The following SHISA9 variants were observed in gnomAD, a reference collection of about 807,000 sequenced individuals.
The protein encoded by SHISA9 is protein shisa-9.
In SHISA9, 13 loss-of-function variants were observed where a neutral mutation model predicts 38.0. The observed-to-expected ratio is 0.34, with a 90% confidence interval of 0.22 to 0.54. The LOEUF (loss-of-function observed/expected upper bound fraction) is 0.54. Ranked by LOEUF, SHISA9 falls within the 20% of genes least tolerant of loss-of-function variation. SHISA9 has a pLI of 0.91. For synonymous variants in SHISA9, 275 were observed against 242.0 expected, an observed-to-expected ratio of 1.14 and a Z score of -1.27; for missense variants, 538 against 575.8, an observed-to-expected ratio of 0.93 and a Z score of 0.67.
chr16:13,412,054 C>A, the SHISA9 span, among the ~76,000 whole-genome samples: 1 of 152,126 alleles, frequency 6.6e-6, no homozygotes, highest in Non-Finnish European at 1.5e-5. Flanking sequence ...AAATTCTTTA[C>A]CTTTCTGAGT....
chr16:13,105,064 A>T (rs373951998), intron 2 of SHISA9, among the ~76,000 whole-genome samples: 10 of 152,310 alleles, frequency 6.6e-5, no homozygotes, highest in African/African-American at 2.4e-4. Flanking sequence ...AGAAGTGTTT[A>T]ACGTCAAGGA....
the SHISA9 span, among the ~76,000 whole-genome samples, chr16:13,470,607 C>T: frequency 1.5e-4 from 23 of 152,108 alleles, no homozygotes; most frequent in South Asian, 1.2e-3. Flanking sequence ...AAACTGCTGC[C>T]GTGATTCAAT....
intron 2 of SHISA9, among the ~76,000 whole-genome samples, chr16:12,997,114 C>T (rs912116744): frequency 2.0e-5 from 3 of 152,094 alleles, no homozygotes; most frequent in Non-Finnish European, 4.4e-5. Flanking sequence ...CCCCCAAATT[C>T]CCTCATGCTT....
chr16:13,243,277 G>A (rs951419470), downstream of SHISA9, among the ~76,000 whole-genome samples: 1 of 151,976 alleles, frequency 6.6e-6, no homozygotes, highest in Admixed American at 6.6e-5. Flanking sequence ...TTTTGCTAAG[G>A]TCGAGGACAT....
chr16:13,491,114 T>G, the SHISA9 span, among the ~76,000 whole-genome samples: 2 of 152,180 alleles, frequency 1.3e-5, no homozygotes, highest in Non-Finnish European at 2.9e-5. Context: ...ATTCTTTACA[T>G]AAAGAAACTG....
chr16:13,312,487 G>A, the SHISA9 span, among the ~76,000 whole-genome samples: 2 of 152,128 alleles, frequency 1.3e-5, no homozygotes, highest in South Asian at 2.1e-4. Context: ...AATATGCTAA[G>A]AGCCTTAAAA....
chr16:13,493,932 T>C, the SHISA9 span, among the ~76,000 whole-genome samples: 1 of 151,198 alleles, frequency 6.6e-6, no homozygotes, highest in African/African-American at 2.4e-5. Flanking sequence ...AGTTCCAGAC[T>C]CAGTTTACCC....
chr16:13,365,142 T>G, the SHISA9 span, among the ~76,000 whole-genome samples: 1 of 152,314 alleles, frequency 6.6e-6, no homozygotes, highest in East Asian at 1.9e-4. Context: ...TTCCAGACTT[T>G]CAAAACAAAC....
the SHISA9 span, among the ~76,000 whole-genome samples, chr16:13,535,778 T>G: frequency 6.6e-6 from 1 of 152,308 alleles, no homozygotes; most frequent in South Asian, 2.1e-4. Context: ...AGGACACAAA[T>G]CATATCTTAC....
chr16:13,441,461 T>C, the SHISA9 span, among the ~76,000 whole-genome samples: 1 of 152,160 alleles, frequency 6.6e-6, no homozygotes, highest in Non-Finnish European at 1.5e-5. Flanking sequence ...GTGGCCAACC[T>C]AGAGATCCAT....
At chr16:13,241,543 A>T (rs142843312), downstream of SHISA9, among the ~76,000 whole-genome samples, 30 of 152,266 alleles carry the variant, frequency 2.0e-4, no homozygotes, top group African/African-American at 7.2e-4. Context: ...AGGCACAGAG[A>T]TGCACCTACT....
intron 2 of SHISA9, among the ~76,000 whole-genome samples, chr16:13,140,429 G>C (rs554912700): frequency 1.3e-5 from 2 of 151,902 alleles, no homozygotes; most frequent in Non-Finnish European, 2.9e-5. Context: ...CACCTGCCTT[G>C]GCCTCCCAAA....
chr16:13,336,121 C>G, the SHISA9 span, among the ~76,000 whole-genome samples: 1 of 152,148 alleles, frequency 6.6e-6, no homozygotes, highest in Non-Finnish European at 1.5e-5. Context: ...CTCCCAGGAG[C>G]TAGTGGAAAG....
At position 13,240,142 on chromosome 16, in the gene SHISA9, C is replaced by T. The variant is rs1386265585; in HGVS notation, c.*4733C>T. ...TTCACAGTGTCTCAGCCTCCATCTG[C>T]CTTGGGCTCCGCCTGGCCTCCCCAT... is the stretch of plus-strand genomic sequence containing the variant. On this transcript the variant is annotated 3_prime_UTR_variant, in exon 5 of 5. Coordinates refer to ENST00000558583, the MANE Select transcript of SHISA9 (RefSeq NM_001145204.3). 1 of 152,228 alleles carries T rather than the reference C, an allele frequency of 6.6e-6. No homozygotes were observed. Among genetic ancestry groups the T allele is most frequent in the African/African-American group, 2.4e-5 (1 of 41,456 alleles). 9.4% of individuals were successfully genotyped at this position (152,228 alleles called of 1,614,324 possible).
chr16:12,915,030 C>T lies in SHISA9; in HGVS notation c.564-1658C>T, dbSNP rs548458930. Among the ~76,000 whole-genome samples, 54 of 152,244 alleles carry T rather than the reference C, an allele frequency of 3.5e-4. No individual in the cohort carries two copies. In the South Asian group the frequency reaches 4.4e-3, roughly 12 times the overall value. On this transcript the variant is annotated intron_variant, in intron 1 of 4. Transcript: ENST00000558583. The stretch of plus-strand genomic sequence containing the variant: ...GGTTGCCCCCAAACAGCTCCTCTTC[C>T]GACTCTGTCTCCCAGTGTGTGGGCT...
At chr16:13,019,001 C>CT (rs974885617) in intron 2 of SHISA9, among the ~76,000 whole-genome samples, 1 of 151,882 alleles carries the variant, frequency 6.6e-6, no homozygotes, top group Non-Finnish European at 1.5e-5. Flanking sequence ...AATGTATTTT[C>CT]TTTTTTTTCT....
At chr16:12,952,750 T>C (rs1455018103) in intron 2 of SHISA9, among the ~76,000 whole-genome samples, 2 of 152,198 alleles carry the variant, frequency 1.3e-5, no homozygotes, top group African/African-American at 4.8e-5. Flanking sequence ...CCTTCCACCA[T>C]GATTGTAAGT....
At chr16:13,137,591 G>A (rs890251246) in intron 2 of SHISA9, among the ~76,000 whole-genome samples, 19 of 151,924 alleles carry the variant, frequency 1.3e-4, no homozygotes, top group Non-Finnish European at 1.3e-4. Context: ...GAATAGCTGG[G>A]ACTACAGGTG....
chr16:13,527,364 T>C, the SHISA9 span, among the ~76,000 whole-genome samples: 7 of 152,308 alleles, frequency 4.6e-5, no homozygotes, highest in Middle Eastern at 3.4e-3. Context: ...TCCCAGTCTT[T>C]AGACGCAGAT....
Sources: allele counts gnomAD v4.1 joint callset (sites outside exome capture counted in the v4.1 genomes callset), GRCh38; gene constraint gnomAD v4.1.1; transcripts MANE v1.5; gene names NCBI Gene and HGNC (gene_info 2026-07-23, HGNC 2026-07-21).